Variants in SYT3 observed in about 807,000 individuals in gnomAD.
The protein encoded by SYT3 is synaptotagmin 3.
Under a neutral mutation model 50.6 loss-of-function variants are expected in SYT3, and 25 were observed. The observed-to-expected ratio is 0.49, with a 90% CI of 0.36 to 0.69. The LOEUF (loss-of-function observed/expected upper bound fraction) is 0.69. SYT3 is among the 30% of genes least tolerant of loss of function. The pLI is 0.00. For synonymous variants in SYT3, 323 were observed against 353.9 expected, an observed-to-expected ratio of 0.91 and a Z score of 0.98; for missense variants, 589 against 793.6, an observed-to-expected ratio of 0.74 and a Z score of 3.10.
chr19:50,652,579 G>A, the SYT3 span, among the ~76,000 whole-genome samples: 13 of 152,246 alleles, frequency 8.5e-5, no homozygotes, highest in South Asian at 2.1e-3. Flanking sequence ...AGTCCAAGTC[G>A]CAGAAAAACA....
intron 9 of SYT3, among the ~76,000 whole-genome samples, chr19:50,623,671 A>T (rs11879170): frequency 7.1e-6 from 1 of 141,250 alleles, no homozygotes; most frequent in African/African-American, 2.7e-5. Context: ...GTGAGGTGGC[A>T]CACGCCTGTA....
chr19:50,650,788 C>T, the SYT3 span, among the ~76,000 whole-genome samples: 2 of 152,368 alleles, frequency 1.3e-5, no homozygotes, highest in South Asian at 4.1e-4. Context: ...AACAAATGCC[C>T]TGATGGCAAA....
chr19:50,641,789 T>G (rs1272818221), upstream of SYT3, among the ~76,000 whole-genome samples: 1 of 151,916 alleles, frequency 6.6e-6, no homozygotes, highest in African/African-American at 2.4e-5. Flanking sequence ...GAGGTTGCAG[T>G]CAGTGAGCCA....
chr19:50,634,572 CTTTTTTTTTTTT>C (rs3028785), intron 3 of SYT3, among the ~76,000 whole-genome samples: 7 of 74,242 alleles, frequency 9.4e-5, no homozygotes, highest in African/African-American at 3.1e-4. Flanking sequence ...TCTTGGGGTG[CTTTTTTTTTTTT>C]TTTTTTTTTT....
Position 50,632,369 on chromosome 19 carries a change from C to G in SYT3, c.591G>C (p.Gly197=). Residue 197 remains glycine (G), a synonymous_variant, in exon 4 of 11, where the codon GGG becomes GGC. Coordinates refer to ENST00000600079, the MANE Select transcript of SYT3 (RefSeq NM_001160329.2). This position sits in a 1 kb window ranked among gnomAD's most constrained non-coding sequence, Gnocchi z 4.7. ...CACCACTGGGGGGCAGCAGGAGCAA[C>G]CCAGAGCCTGCTCCCCCCTCAGAGG... ...ELPSEGGAGS[G]LLLLPPSGGG... The G allele has an allele frequency of 3.7e-6, 6 of 1,612,606 alleles. No homozygotes were observed. The highest frequency in any genetic ancestry group is 5.1e-6 in the Non-Finnish European group (6 of 1,178,952).
chr19:50,629,601 C>T (rs1398031089), intron 5 of SYT3, 89 bp from the exon 6 acceptor site: 2 of 1,392,236 alleles, frequency 1.4e-6, no homozygotes, highest in Non-Finnish European at 2.0e-6. Flanking sequence ...GCCCCTCCTC[C>T]CTCAGACCCA....
the SYT3 span, among the ~76,000 whole-genome samples, chr19:50,655,779 C>G: frequency 6.6e-6 from 1 of 152,226 alleles, no homozygotes; most frequent in Non-Finnish European, 1.5e-5. Flanking sequence ...CCTGCTTCCT[C>G]CTGCCTTGCA....
At chr19:50,647,952 A>G in the SYT3 span, among the ~76,000 whole-genome samples, 1 of 152,190 alleles carries the variant, frequency 6.6e-6, no homozygotes, top group African/African-American at 2.4e-5. Context: ...AGAACTGAGT[A>G]AGACTATTTC....
the SYT3 span, chr19:50,657,957 A>T: frequency 6.7e-7 from 1 of 1,500,630 alleles, no homozygotes. Context: ...CCAGGAGGCC[A>T]CGGGCTGAGG....
upstream of SYT3, among the ~76,000 whole-genome samples, chr19:50,641,902 A>C (rs1599823855): frequency 6.6e-6 from 1 of 152,186 alleles, no homozygotes; most frequent in African/African-American, 2.4e-5. Flanking sequence ...CAAGAAATAA[A>C]AATGTCAAAA....
At chr19:50,657,492 G>A in the SYT3 span, among the ~76,000 whole-genome samples, 2 of 152,286 alleles carry the variant, frequency 1.3e-5, no homozygotes, top group East Asian at 1.9e-4. Context: ...ATCAGTCCAC[G>A]TTTCTGAATG....
chr19:50,656,882 G>T, the SYT3 span, among the ~76,000 whole-genome samples: 7 of 151,848 alleles, frequency 4.6e-5, no homozygotes, highest in South Asian at 2.1e-4. Context: ...AACCTGGGAG[G>T]TGGAGGTTGC....
At position 50,630,253 on chromosome 19, in the gene SYT3, C is replaced by T. The variant is rs1984252436; in HGVS notation, c.675-82G>A. ...ATGCAGAGACCTGGGAGACTCCTCC[C>T]TGCCTTTCCCCCCATCCCCCAGCCA... On this transcript the variant is annotated intron_variant, in intron 4 of 10. Transcript: ENST00000600079. The T allele has an allele frequency of 4.4e-6, 6 of 1,366,430 alleles. No homozygotes were observed. The East Asian group carries it at 1.3e-4, about 30-fold the overall frequency. 84.6% of individuals were successfully genotyped at this position (1,366,430 alleles called of 1,614,324 possible). A position where few individuals can be genotyped will look rare whatever the true frequency, so the allele number is the denominator to read the frequency against.
Position 50,625,615 on chromosome 19 carries a change from G to A in SYT3, c.1403-51C>T. 4 of 1,518,870 alleles carry A rather than the reference G, an allele frequency of 2.6e-6. No homozygotes were observed. The highest frequency in any genetic ancestry group is 3.5e-6 in the Non-Finnish European group (4 of 1,135,778). 94.1% of individuals were successfully genotyped at this position (1,518,870 alleles called of 1,614,324 possible). A position where few individuals can be genotyped will look rare whatever the true frequency, so the allele number is the denominator to read the frequency against. ...CAGAGACTCACTCCCTCAGACCTAGGGGTCCAGGACCCCAGGCCCCGAGCC... is the reference window on the plus strand; with the variant it reads ...CAGAGACTCACTCCCTCAGACCTAGAGGTCCAGGACCCCAGGCCCCGAGCC... On this transcript the variant is annotated intron_variant, in intron 7 of 10. Transcript: ENST00000600079. The surrounding 1 kb of genome is among the most constrained non-coding windows in gnomAD (Gnocchi z 7.5).
chr19:50,657,255 T>C, the SYT3 span, among the ~76,000 whole-genome samples: 1 of 152,186 alleles, frequency 6.6e-6, no homozygotes, highest in Non-Finnish European at 1.5e-5. Context: ...GTCCTCGTTT[T>C]AGGGATCAGT....
chr19:50,657,878 G>A, the SYT3 span: 3 of 1,372,478 alleles, frequency 2.2e-6, no homozygotes, highest in South Asian at 1.6e-5. Flanking sequence ...CCCCTCAAAT[G>A]CCACCTGGAA....
At chr19:50,628,377 A>G (rs1454657463) in intron 6 of SYT3, among the ~76,000 whole-genome samples, 87 of 152,262 alleles carry the variant, frequency 5.7e-4, no homozygotes, top group Non-Finnish European at 2.4e-4. Flanking sequence ...GTCGCAAGGA[A>G]TAAGGAAGAA....
intron 3 of SYT3, among the ~76,000 whole-genome samples, chr19:50,636,378 C>A (rs918004817): frequency 6.6e-6 from 1 of 152,216 alleles, no homozygotes; most frequent in Non-Finnish European, 1.5e-5. Context: ...CTGTACTAGA[C>A]TATGCAGGAT....
At position 50,639,282 on chromosome 19, in the gene SYT3, C is replaced by T. The variant is rs147231318; in HGVS notation, c.-153-120G>A. ...CCCCCTCCCACCTCCGGGCCCCCAG[C>T]TCCCGTTGAGGGCTTAGAGACTACA... On this transcript the variant is annotated intron_variant, in intron 1 of 10. Transcript: ENST00000600079. The surrounding 1 kb of genome is among the most constrained non-coding windows in gnomAD (Gnocchi z 4.6). 2 of 152,258 alleles carry T rather than the reference C, an allele frequency of 1.3e-5. No individual in the cohort carries two copies. The highest frequency in any genetic ancestry group is 4.8e-5 in the African/African-American group (2 of 41,452). The allele number at this position is 152,258 out of a possible 1,614,324, so 9.4% of individuals were successfully genotyped here. A position where few individuals can be genotyped will look rare whatever the true frequency, so the allele number is the denominator to read the frequency against.
Sources: allele counts gnomAD v4.1 joint callset (sites outside exome capture counted in the v4.1 genomes callset), GRCh38; gene constraint gnomAD v4.1.1; non-coding constraint Gnocchi (gnomAD v3.1); transcripts MANE v1.5; gene names NCBI Gene and HGNC (gene_info 2026-07-23, HGNC 2026-07-21).